Variants in RSF1 observed in about 807,000 individuals in gnomAD.
The protein encoded by RSF1 is remodeling and spacing factor 1.
Under a neutral mutation model 145.2 loss-of-function variants are expected in RSF1, and 13 were observed. That is an observed-to-expected ratio of 0.09 (90% confidence interval 0.06 to 0.14). The LOEUF is 0.14. Ranked by LOEUF, RSF1 falls within the 10% of genes least tolerant of loss-of-function variation. The probability of loss-of-function intolerance (pLI) is 1.00; values close to 1 mark genes in which losing one functional copy is unlikely to be tolerated. For missense variants in RSF1, 1,517 were observed against 1,718.2 expected (o/e 0.88, Z 2.07); for synonymous variants, 577 against 592.6 (o/e 0.97, Z 0.38).
chr11:77,721,502 T>G (rs990393692), intron 5 of RSF1, among the ~76,000 whole-genome samples: 1 of 152,152 alleles, frequency 6.6e-6, no homozygotes, highest in Non-Finnish European at 1.5e-5. Context: ...TTGCCTAGTT[T>G]TGAATATTAG....
At chr11:77,758,436 G>A (rs985796204) in intron 2 of RSF1, among the ~76,000 whole-genome samples, 3 of 152,134 alleles carry the variant, frequency 2.0e-5, no homozygotes, top group Non-Finnish European at 4.4e-5. Flanking sequence ...AGATCTGCTT[G>A]AGTCCCTGCT....
At chr11:77,728,273 A>G (rs1961106708) in intron 4 of RSF1, among the ~76,000 whole-genome samples, 1 of 152,234 alleles carries the variant, frequency 6.6e-6, no homozygotes, top group Non-Finnish European at 1.5e-5. Context: ...AGAATGAATA[A>G]ACAAAATCTA....
the RSF1 span, among the ~76,000 whole-genome samples, chr11:77,827,683 T>TA: frequency 3.9e-5 from 6 of 152,180 alleles, no homozygotes; most frequent in Non-Finnish European, 7.4e-5. Context: ...TGCTGAAAAC[T>TA]AATTCCTCCC....
chr11:77,712,889 C>T (rs1463607033), intron 5 of RSF1, among the ~76,000 whole-genome samples: 2 of 152,180 alleles, frequency 1.3e-5, no homozygotes, highest in Non-Finnish European at 2.9e-5. Context: ...TCCACTGGCA[C>T]CTATGTCCTA....
chr11:77,840,524 AT>A, the RSF1 span, among the ~76,000 whole-genome samples: 2 of 152,176 alleles, frequency 1.3e-5, no homozygotes, highest in African/African-American at 4.8e-5. Flanking sequence ...GCCAGACTCC[AT>A]CTCAAAAGAA....
Position 77,773,563 on chromosome 11 carries a change from T to C in RSF1, c.188-8874A>G, listed in dbSNP as rs951912924. 5.9e-5 allele frequency among the ~76,000 whole-genome samples: 9 copies of C among 152,340 alleles called. 1 individual carries two copies. The South Asian group carries it at 1.7e-3, about 28-fold the overall frequency. On this transcript the variant is annotated intron_variant, in intron 1 of 15. Transcript: ENST00000308488. ...AAATCTTATTCCTTTATATTTAATG[T>C]CTCTTCCTAGAGAAAAATTAATTTA...
intron 1 of RSF1, 80 bp downstream of exon 1, chr11:77,820,448 G>C: frequency 7.0e-7 from 1 of 1,423,372 alleles, no homozygotes; most frequent in Non-Finnish European, 9.4e-7. Flanking sequence ...GAGCCGCGAA[G>C]AACCGGGGCG....
chr11:77,846,620 C>T, the RSF1 span, among the ~76,000 whole-genome samples: 1 of 152,160 alleles, frequency 6.6e-6, no homozygotes, highest in Non-Finnish European at 1.5e-5. Context: ...GCAGGAGAAT[C>T]GCTTGAACCC....
At chr11:77,783,313 T>C (rs553543349) in intron 1 of RSF1, among the ~76,000 whole-genome samples, 93 of 152,350 alleles carry the variant, frequency 6.1e-4, no homozygotes, top group Non-Finnish European at 1.2e-3. Context: ...AAAAGACTTT[T>C]TTAAAATTGG....
At chr11:77,720,558 T>C (rs531381229) in intron 5 of RSF1, among the ~76,000 whole-genome samples, 1 of 152,264 alleles carries the variant, frequency 6.6e-6, no homozygotes, top group African/African-American at 2.4e-5. Flanking sequence ...TCTACCACAG[T>C]CTGAGAATAA....
At chr11:77,712,047 C>T (rs532157239) in intron 5 of RSF1, among the ~76,000 whole-genome samples, 1 of 152,268 alleles carries the variant, frequency 6.6e-6, no homozygotes, top group Admixed American at 6.5e-5. Flanking sequence ...GACAATACTT[C>T]CACAAAAGTT....
chr11:77,821,467 G>A (rs1257334664), upstream of RSF1, among the ~76,000 whole-genome samples: 1 of 152,124 alleles, frequency 6.6e-6, no homozygotes, highest in Non-Finnish European at 1.5e-5. Flanking sequence ...TGGGGTACAG[G>A]AATCGCAGCT....
chr11:77,858,676 A>G, the RSF1 span, among the ~76,000 whole-genome samples: 5 of 152,142 alleles, frequency 3.3e-5, no homozygotes, highest in Middle Eastern at 3.4e-3. Flanking sequence ...TTGGCCGATG[A>G]CCGCTCTAAC....
chr11:77,685,168 GA>G lies in RSF1; in HGVS notation c.2901-10del. The G allele has an allele frequency of 6.6e-7, 1 of 1,519,128 alleles. No homozygotes were observed. Among genetic ancestry groups the G allele is most frequent in the Non-Finnish European group, 8.9e-7 (1 of 1,121,934 alleles). 94.1% of individuals were successfully genotyped at this position (1,519,128 alleles called of 1,614,324 possible). A position where few individuals can be genotyped will look rare whatever the true frequency, so the allele number is the denominator to read the frequency against. ...ACACCAAGCGTTCTTTTCTTTAGGT[GA>G]AAAACAAACAAAATACATGAGATTT... On this transcript the variant is annotated splice_polypyrimidine_tract_variant and intron_variant, in intron 9 of 15. Transcript: ENST00000308488.
At chr11:77,776,945 C>A (rs1345668910) in intron 1 of RSF1, among the ~76,000 whole-genome samples, 2 of 152,154 alleles carry the variant, frequency 1.3e-5, no homozygotes, top group African/African-American at 4.8e-5. Context: ...TCATTCCACA[C>A]TGAACTTCTT....
At chr11:77,771,990 C>A (rs1471787240) in intron 1 of RSF1, among the ~76,000 whole-genome samples, 1 of 152,104 alleles carries the variant, frequency 6.6e-6, no homozygotes, top group Non-Finnish European at 1.5e-5. Flanking sequence ...AGCACCTTTG[C>A]CAATCTTAAT....
chr11:77,808,021 C>T (rs1293000356), intron 1 of RSF1, among the ~76,000 whole-genome samples: 1 of 152,064 alleles, frequency 6.6e-6, no homozygotes, highest in Non-Finnish European at 1.5e-5. Flanking sequence ...GAGCCAATCC[C>T]ATTAAAAAAA....
chr11:77,676,742 C>T, intron 13 of RSF1, 50 bp downstream of exon 13: 1 of 1,545,420 alleles, frequency 6.5e-7, no homozygotes, highest in Non-Finnish European at 8.9e-7. Context: ...CTAGCCCAGT[C>T]CTGTTCCTGC....
rs920356034 is a variant in RSF1 at position 77,666,400 on chromosome 11, A to T, written c.*517T>A. The T allele has an allele frequency of 1.3e-5, 2 of 152,630 alleles. No homozygotes were observed. The highest frequency in any genetic ancestry group is 1.3e-4 in the Admixed American group (2 of 15,274). 9.5% of individuals were successfully genotyped at this position (152,630 alleles called of 1,614,324 possible). On this transcript the variant is annotated 3_prime_UTR_variant, in exon 16 of 16. Coordinates refer to ENST00000308488, the MANE Select transcript of RSF1 (RefSeq NM_016578.4). Reference sequence around the variant, plus strand: ...TACTAAATGACTTATGTATGATGTTATCTACAATTCTCAAACTGTAACAGT... The same window carrying T: ...TACTAAATGACTTATGTATGATGTTTTCTACAATTCTCAAACTGTAACAGT...
Sources: gnomAD v4.1 joint callset for allele counts (sites outside exome capture counted in the v4.1 genomes callset) on GRCh38, gnomAD v4.1.1 for gene constraint, MANE v1.5 for transcripts, NCBI Gene and HGNC (gene_info 2026-07-23, HGNC 2026-07-21) for gene names.